Variants in ADCY2 observed in about 807,000 individuals in gnomAD.
ADCY2 encodes adenylate cyclase 2, also known as adenylate cyclase type 2.
ADCY2 carries 31 observed loss-of-function variants against 125.2 expected under a neutral mutation model. The ratio of observed to expected loss-of-function variants is 0.25; its 90% CI spans 0.19 to 0.33. The LOEUF is 0.33. ADCY2 is among the 10% of genes least tolerant of loss of function. ADCY2 has a pLI of 1.00. For missense variants in ADCY2, 904 were observed against 1,418.2 expected, an observed-to-expected ratio of 0.64 and a Z score of 5.82; for synonymous variants, 512 against 548.4, an observed-to-expected ratio of 0.93 and a Z score of 0.93.
chr5:7,768,696 C>T (rs924015175), intron 17 of ADCY2, among the ~76,000 whole-genome samples: 7 of 152,118 alleles, frequency 4.6e-5, no homozygotes, highest in African/African-American at 1.7e-4. Context: ...TTATTAAAAA[C>T]TTAAAGTGGG....
chr5:7,442,453 G>A (rs1482369967), intron 2 of ADCY2, among the ~76,000 whole-genome samples: 2 of 152,066 alleles, frequency 1.3e-5, no homozygotes, highest in African/African-American at 4.8e-5. Flanking sequence ...TTTAATTTTT[G>A]GAGGCGAGGA....
At chr5:7,695,519 A>T (rs1182433474) in intron 5 of ADCY2, among the ~76,000 whole-genome samples, 1 of 152,150 alleles carries the variant, frequency 6.6e-6, no homozygotes, top group Admixed American at 6.5e-5. Context: ...GAATTTTTTT[A>T]AATTATTTTG....
chr5:7,607,833 C>T (rs1267786824), intron 3 of ADCY2, among the ~76,000 whole-genome samples: 1 of 152,114 alleles, frequency 6.6e-6, no homozygotes, highest in East Asian at 1.9e-4. Flanking sequence ...ACTAAGAAGG[C>T]CATATTTGAA....
intron 4 of ADCY2, among the ~76,000 whole-genome samples, chr5:7,635,986 G>T (rs1369347718): frequency 2.0e-5 from 3 of 152,150 alleles, no homozygotes; most frequent in Admixed American, 2.0e-4. Flanking sequence ...ATACCTAAGT[G>T]TTTAGCCTGT....
chr5:7,681,629 C>G lies in ADCY2; in HGVS notation c.721-9062C>G, dbSNP rs370523824. Among the ~76,000 whole-genome samples, 4 of 152,322 alleles carry G rather than the reference C, an allele frequency of 2.6e-5. No individual in the cohort carries two copies. In the East Asian group the frequency reaches 5.8e-4, roughly 22 times the overall value. On this transcript the variant is annotated intron_variant, in intron 4 of 24. Transcript: ENST00000338316. ...TTCTGATATTGGCTACAATTTTGCT[C>G]TGGGCACCAACTCTCACCCAGGGGT...
intron 2 of ADCY2, among the ~76,000 whole-genome samples, chr5:7,512,597 G>A (rs1277231209): frequency 6.6e-6 from 1 of 152,182 alleles, no homozygotes. Context: ...AATATTCCTT[G>A]TGAAAATTGC....
intron 15 of ADCY2, among the ~76,000 whole-genome samples, chr5:7,744,948 C>T (rs1053711014): frequency 1.7e-4 from 26 of 152,196 alleles, no homozygotes; most frequent in African/African-American, 6.3e-4. Flanking sequence ...ATTTAGATGA[C>T]ACCGCCAAGG....
intron 8 of ADCY2, 31 bp downstream of exon 8, chr5:7,706,933 A>G (rs1741284738): frequency 1.9e-6 from 3 of 1,613,036 alleles, no homozygotes; most frequent in Non-Finnish European, 2.5e-6. Flanking sequence ...TCTTTCTTCA[A>G]GCAGGCAGAA....
chr5:7,695,190 G>T (rs1740848556), intron 5 of ADCY2, among the ~76,000 whole-genome samples: 1 of 152,218 alleles, frequency 6.6e-6, no homozygotes, highest in African/African-American at 2.4e-5. Flanking sequence ...CTTCCCTAGT[G>T]TGTACATCCC....
chr5:7,732,039 T>C (rs1432252159), intron 14 of ADCY2, among the ~76,000 whole-genome samples: 1 of 152,258 alleles, frequency 6.6e-6, no homozygotes, highest in African/African-American at 2.4e-5. Flanking sequence ...TTTGGGTCCA[T>C]GGTAGTCTTG....
chr5:7,689,124 A>G (rs2126722452), intron 4 of ADCY2, among the ~76,000 whole-genome samples: 1 of 152,326 alleles, frequency 6.6e-6, no homozygotes, highest in African/African-American at 2.4e-5. Context: ...TGCCCTTTCA[A>G]AAGCGCTAAT....
At chr5:7,677,416 G>C (rs985645933) in intron 4 of ADCY2, among the ~76,000 whole-genome samples, 1 of 152,162 alleles carries the variant, frequency 6.6e-6, no homozygotes, top group Non-Finnish European at 1.5e-5. Flanking sequence ...TCCTCTCCAC[G>C]ATTGAATCTG....
intron 7 of ADCY2, 50 bp downstream of exon 7, chr5:7,698,424 G>A: frequency 6.2e-7 from 1 of 1,603,252 alleles, no homozygotes; most frequent in Non-Finnish European, 8.5e-7. Flanking sequence ...AAGTTCTGGG[G>A]TACATGTGCA....
At chr5:7,507,461 A>AAAAAAAAAAAAAAAAAAAT (rs374187517) in intron 2 of ADCY2, among the ~76,000 whole-genome samples, 1 of 114,112 alleles carries the variant, frequency 8.8e-6, no homozygotes, top group African/African-American at 3.3e-5. Flanking sequence ...AAAAAAAAAA[A>AAAAAAAAAAAAAAAAAAAT]GGTAACAAAG....
Position 7,459,311 on chromosome 5 carries a change from G to A in ADCY2, c.408+44541G>A, listed in dbSNP as rs144211054. Among the ~76,000 whole-genome samples, 9 of 152,334 alleles carry A rather than the reference G, an allele frequency of 5.9e-5. No homozygotes were observed. The East Asian group carries it at 1.7e-3, about 29-fold the overall frequency. ...CCCATTGAGGGAGCTGGAGCAGAGTGAACACTTGCCTAACCCCAGTCCAAA... is the reference window on the plus strand; with the variant it reads ...CCCATTGAGGGAGCTGGAGCAGAGTAAACACTTGCCTAACCCCAGTCCAAA... On this transcript the variant is annotated intron_variant, in intron 2 of 24. Coordinates refer to ENST00000338316, the MANE Select transcript of ADCY2 (RefSeq NM_020546.3).
intron 14 of ADCY2, among the ~76,000 whole-genome samples, chr5:7,732,228 G>C (rs1400999513): frequency 6.6e-6 from 1 of 152,228 alleles, no homozygotes; most frequent in African/African-American, 2.4e-5. Flanking sequence ...CAAGATTGGT[G>C]ATCCCAATTT....
intron 2 of ADCY2, among the ~76,000 whole-genome samples, chr5:7,497,524 A>T (rs991690526): frequency 6.6e-6 from 1 of 152,140 alleles, no homozygotes; most frequent in Non-Finnish European, 1.5e-5. Context: ...CATAATCTAA[A>T]TTTTTTCACA....
rs150445205 is a variant in ADCY2 at position 7,555,225 on chromosome 5, A to C, written c.570+34326A>C. ...CCTTGGAAAGTTTCATCCTACAGGGAGTTAGATGCATCTTGCACTCAGTTA... is the reference window on the plus strand; with the variant it reads ...CCTTGGAAAGTTTCATCCTACAGGGCGTTAGATGCATCTTGCACTCAGTTA... On this transcript the variant is annotated intron_variant, in intron 3 of 24. Transcript: ENST00000338316. Among the ~76,000 whole-genome samples the C allele has an allele frequency of 3.4e-3, 512 of 152,300 alleles. 8 individuals are homozygous for C. The highest frequency in any genetic ancestry group is 0.012 in the African/African-American group (490 of 41,556).
At chr5:7,808,216 T>C (rs903118796) in intron 22 of ADCY2, among the ~76,000 whole-genome samples, 8 of 152,210 alleles carry the variant, frequency 5.3e-5, no homozygotes, top group African/African-American at 1.9e-4. Context: ...TTGCTACCTG[T>C]CATTTTCAAC....
Sources: gnomAD v4.1 joint callset for allele counts (sites outside exome capture counted in the v4.1 genomes callset) on GRCh38, gnomAD v4.1.1 for gene constraint, MANE v1.5 for transcripts, NCBI Gene and HGNC (gene_info 2026-07-23, HGNC 2026-07-21) for gene names.